Variants in FAF2 observed in about 807,000 individuals in gnomAD.
FAF2 encodes FAS-associated factor 2.
A neutral mutation model predicts 62.3 loss-of-function variants in FAF2; 9 were observed. The observed-to-expected ratio is 0.14, with a 90% CI of 0.09 to 0.25. The LOEUF (loss-of-function observed/expected upper bound fraction) is 0.25, where lower values mean the gene tolerates loss of function less well. Among genes scored for constraint, FAF2 ranks in the 10% least tolerant of loss-of-function variants. The probability of loss-of-function intolerance (pLI) is 1.00; values close to 1 mark genes in which losing one functional copy is unlikely to be tolerated. For synonymous variants in FAF2, 202 were observed against 198.0 expected, an observed-to-expected ratio of 1.02 and a Z score of -0.17; for missense variants, 368 against 556.2, an observed-to-expected ratio of 0.66 and a Z score of 3.40.
intron 1 of FAF2, among the ~76,000 whole-genome samples, chr5:176,468,577 C>T (rs1245112532): frequency 1.3e-5 from 2 of 152,004 alleles, no homozygotes; most frequent in African/African-American, 2.4e-5. Flanking sequence ...GAGCAAGACT[C>T]CGTCTCAAAA....
At chr5:176,485,400 C>T (rs1263641958) in intron 2 of FAF2, among the ~76,000 whole-genome samples, 1 of 152,226 alleles carries the variant, frequency 6.6e-6, no homozygotes, top group Non-Finnish European at 1.5e-5. Flanking sequence ...GGCCGGCTTT[C>T]ACCCTAAGAC....
At chr5:176,459,947 C>T (rs1352563180) in intron 1 of FAF2, among the ~76,000 whole-genome samples, 1 of 152,038 alleles carries the variant, frequency 6.6e-6, no homozygotes, top group Non-Finnish European at 1.5e-5. Flanking sequence ...CATGTGTACT[C>T]AGTGTTTAGC....
intron 4 of FAF2, among the ~76,000 whole-genome samples, chr5:176,490,923 A>G (rs1457168378): frequency 6.6e-6 from 1 of 152,142 alleles, no homozygotes; most frequent in African/African-American, 2.4e-5. Context: ...TCTTCTGATG[A>G]ATTTCTAACC....
chr5:176,448,925 A>C (rs560864210), intron 1 of FAF2, among the ~76,000 whole-genome samples: 47 of 152,250 alleles, frequency 3.1e-4, no homozygotes, highest in African/African-American at 1.1e-3. Flanking sequence ...GGCCTCTTGG[A>C]TACCAGGTTT....
intron 10 of FAF2, among the ~76,000 whole-genome samples, chr5:176,502,037 G>A (rs1200415638): frequency 2.6e-5 from 4 of 152,106 alleles, no homozygotes; most frequent in East Asian, 1.9e-4. Flanking sequence ...GATTATAGGC[G>A]TGAGCCACTG....
intron 10 of FAF2, among the ~76,000 whole-genome samples, chr5:176,505,246 T>C (rs1755655829): frequency 1.3e-5 from 2 of 152,194 alleles, no homozygotes. Flanking sequence ...AGAAGTAGAA[T>C]GCTAGATGGA....
intron 3 of FAF2, 67 bp downstream of exon 3, chr5:176,486,556 ATC>A: frequency 6.6e-7 from 1 of 1,524,010 alleles, no homozygotes; most frequent in Non-Finnish European, 9.0e-7. Flanking sequence ...GGTTATATTG[ATC>A]TCCCTGTGAC....
chr5:176,464,086 A>T (rs112032154), intron 1 of FAF2, among the ~76,000 whole-genome samples: 4 of 152,106 alleles, frequency 2.6e-5, no homozygotes, highest in African/African-American at 9.6e-5. Context: ...CTAACTTTCC[A>T]ACAAAGCTCA....
intron 1 of FAF2, among the ~76,000 whole-genome samples, chr5:176,462,516 T>TG (rs1383662161): frequency 6.6e-6 from 1 of 151,722 alleles, no homozygotes; most frequent in Admixed American, 6.6e-5. Context: ...CCCAGCTGCT[T>TG]GGGAGGCTGA....
At chr5:176,448,811 A>G (rs1758115551) in intron 1 of FAF2, among the ~76,000 whole-genome samples, 2 of 152,138 alleles carry the variant, frequency 1.3e-5, no homozygotes, top group Admixed American at 6.5e-5. Flanking sequence ...TATCTGCCGG[A>G]GAAGCTTAGT....
At chr5:176,493,859 T>G in intron 5 of FAF2, 140 bp from the exon 6 acceptor site, 1 of 604,888 alleles carries the variant, frequency 1.7e-6, no homozygotes, top group Non-Finnish European at 2.9e-6. Context: ...GCTCAGGAAT[T>G]TTCTGATTTC....
At chr5:176,461,312 C>CTTTTTTTTTTTTTTTT in intron 1 of FAF2, among the ~76,000 whole-genome samples, 1 of 70,732 alleles carries the variant, frequency 1.4e-5, no homozygotes, top group Non-Finnish European at 2.4e-5. Context: ...CTGTGCCCAG[C>CTTTTTTTTTTTTTTTT]TTTTTTTTTT....
At chr5:176,461,312 CTTTTT>C (rs60608969) in intron 1 of FAF2, among the ~76,000 whole-genome samples, 15 of 70,738 alleles carry the variant, frequency 2.1e-4, no homozygotes, top group African/African-American at 8.2e-4. Context: ...CTGTGCCCAG[CTTTTT>C]TTTTTTTTTT....
At chr5:176,501,374 G>C (rs1032147554) in intron 10 of FAF2, among the ~76,000 whole-genome samples, 3 of 152,186 alleles carry the variant, frequency 2.0e-5, no homozygotes, top group African/African-American at 7.2e-5. Flanking sequence ...ATTAAAAGAG[G>C]ATGCACTGTA....
chr5:176,490,491 T>G (rs1327968263), intron 4 of FAF2, among the ~76,000 whole-genome samples: 1 of 147,044 alleles, frequency 6.8e-6, no homozygotes, highest in East Asian at 2.0e-4. Flanking sequence ...GAAGTACAGG[T>G]TCCCTGTACT....
intron 5 of FAF2, among the ~76,000 whole-genome samples, chr5:176,492,849 G>A (rs533880872): frequency 9.9e-5 from 15 of 152,168 alleles, no homozygotes; most frequent in East Asian, 9.6e-4. Context: ...ATTTGTGTTC[G>A]TGTCTAATCT....
chr5:176,488,129 C>T (rs551017158), intron 3 of FAF2, among the ~76,000 whole-genome samples: 1 of 152,182 alleles, frequency 6.6e-6, no homozygotes, highest in Non-Finnish European at 1.5e-5. Flanking sequence ...AAGTGTGAGC[C>T]ACCACACCCA....
chr5:176,454,764 TCTTAAC>T (rs1030040773), intron 1 of FAF2, among the ~76,000 whole-genome samples: 2 of 152,226 alleles, frequency 1.3e-5, no homozygotes, highest in African/African-American at 4.8e-5. Context: ...GTGGAAGCTC[TCTTAAC>T]CTTAACCTTC....
chr5:176,492,095 C>T lies in FAF2; in HGVS notation c.345-99C>T, dbSNP rs114557206. On this transcript the variant is annotated intron_variant, in intron 4 of 10. Transcript: ENST00000261942. ...CAGACTGTTCACCTCCCTTTGTTGCCGTGCCTCTGGCTCTGTTACAGGAAT... is the reference window on the plus strand; with the variant it reads ...CAGACTGTTCACCTCCCTTTGTTGCTGTGCCTCTGGCTCTGTTACAGGAAT... 2,068 of 1,386,246 alleles carry T rather than the reference C, an allele frequency of 1.5e-3. 23 individuals carry two copies. The African/African-American group carries it at 0.025, about 17-fold the overall frequency. 85.9% of individuals were successfully genotyped at this position (1,386,246 alleles called of 1,614,324 possible).
Sources: allele counts gnomAD v4.1 joint callset (sites outside exome capture counted in the v4.1 genomes callset), GRCh38; gene constraint gnomAD v4.1.1; transcripts MANE v1.5; gene names NCBI Gene and HGNC (gene_info 2026-07-23, HGNC 2026-07-21).